The following OR10J1 variants were observed in gnomAD, a reference collection of about 807,000 sequenced individuals.
OR10J1 encodes the protein olfactory receptor 10J1.
For missense variants in OR10J1, 474 were observed against 376.6 expected (o/e 1.26, Z -2.14); for synonymous variants, 202 against 143.8 (o/e 1.40, Z -2.89).
chr1:159,398,150 G>A, the OR10J1 span, among the ~76,000 whole-genome samples: 8 of 152,312 alleles, frequency 5.3e-5, no homozygotes, highest in South Asian at 1.5e-3. Flanking sequence ...GACCATCAAG[G>A]CAATACCATA....
chr1:159,417,764 A>T, the OR10J1 span, among the ~76,000 whole-genome samples: 36 of 152,332 alleles, frequency 2.4e-4, no homozygotes, highest in African/African-American at 8.4e-4. Context: ...AGGTTGGAAC[A>T]GTTTGGAGGG....
the OR10J1 span, among the ~76,000 whole-genome samples, chr1:159,428,038 G>A: frequency 6.6e-6 from 1 of 151,852 alleles, no homozygotes; most frequent in Non-Finnish European, 1.5e-5. Flanking sequence ...GAATAGAAGG[G>A]AACTTCCTTA....
Position 159,440,322 on chromosome 1 carries a change from C to G in OR10J1, c.531C>G (p.Phe177Leu). The stretch of plus-strand genomic sequence containing the variant: ...GTGCTAGAAAGGTGCCCCACTTCTT[C>G]TGTGACATCCGCCCTGTGATGAAGC... ...PFCARKVPHF[F>L]CDIRPVMKLS... Residue 177 changes from phenylalanine to leucine, a missense_variant, in exon 1 of 1, where the codon TTC becomes TTG. By Grantham distance (22) the Phe-to-Leu change is conservative. Coordinates refer to ENST00000423932, the MANE Select transcript of OR10J1 (RefSeq NM_012351.3). 7 of 1,614,196 alleles carry G rather than the reference C, an allele frequency of 4.3e-6. No homozygotes were observed. The highest frequency in any genetic ancestry group is 5.9e-6 in the Non-Finnish European group (7 of 1,180,022).
At chr1:159,435,554 G>T (rs1655714231), upstream of OR10J1, among the ~76,000 whole-genome samples, 1 of 152,094 alleles carries the variant, frequency 6.6e-6, no homozygotes, top group Non-Finnish European at 1.5e-5. Flanking sequence ...TGTAAAAAGG[G>T]GTTTTCATAC....
the OR10J1 span, among the ~76,000 whole-genome samples, chr1:159,409,782 C>G: frequency 1.6e-3 from 251 of 152,140 alleles, 1 homozygote; most frequent in Admixed American, 0.011. Context: ...TGCCAGTTTT[C>G]AAAGGGAACG....
chr1:159,408,162 G>C, the OR10J1 span, among the ~76,000 whole-genome samples: 2 of 152,034 alleles, frequency 1.3e-5, no homozygotes, highest in Non-Finnish European at 2.9e-5. Flanking sequence ...CTGTAGCTCA[G>C]TGGTTACATA....
At chr1:159,423,645 A>C in the OR10J1 span, among the ~76,000 whole-genome samples, 2 of 152,194 alleles carry the variant, frequency 1.3e-5, no homozygotes, top group African/African-American at 4.8e-5. Flanking sequence ...GAGATTAAGA[A>C]AATTCTACAA....
the OR10J1 span, among the ~76,000 whole-genome samples, chr1:159,425,630 T>G: frequency 6.6e-6 from 1 of 152,050 alleles, no homozygotes; most frequent in African/African-American, 2.4e-5. Context: ...GAACTTATAG[T>G]AAGCTGCATG....
chr1:159,438,871 G>A (rs987935196), upstream of OR10J1, among the ~76,000 whole-genome samples: 2 of 152,154 alleles, frequency 1.3e-5, no homozygotes, highest in Non-Finnish European at 2.9e-5. Flanking sequence ...TATCTTTGGT[G>A]TAGCTGTTTT....
chr1:159,434,538 A>G (rs1296991572), upstream of OR10J1, among the ~76,000 whole-genome samples: 1 of 152,206 alleles, frequency 6.6e-6, no homozygotes, highest in African/African-American at 2.4e-5. Context: ...AAGAACAGTT[A>G]TTGTTTACCC....
the OR10J1 span, among the ~76,000 whole-genome samples, chr1:159,429,567 T>G: frequency 6.6e-6 from 1 of 152,210 alleles, no homozygotes; most frequent in African/African-American, 2.4e-5. Flanking sequence ...ATTGTCGAAG[T>G]ACTAGTTGTA....
the OR10J1 span, among the ~76,000 whole-genome samples, chr1:159,427,349 G>T: frequency 2.0e-5 from 3 of 151,514 alleles, no homozygotes; most frequent in African/African-American, 2.4e-5. Flanking sequence ...TAAAAAAATA[G>T]ATATTTTATT....
the OR10J1 span, among the ~76,000 whole-genome samples, chr1:159,401,549 A>G: frequency 6.6e-6 from 1 of 152,052 alleles, no homozygotes; most frequent in Non-Finnish European, 1.5e-5. Context: ...AGATTGAACC[A>G]AGAAGAAATA....
At chr1:159,439,187 T>A (rs917839997), upstream of OR10J1, among the ~76,000 whole-genome samples, 10 of 152,258 alleles carry the variant, frequency 6.6e-5, no homozygotes, top group Non-Finnish European at 1.5e-4. Flanking sequence ...TTGCTTCTAA[T>A]TCTTAAAGGA....
At chr1:159,398,683 GAAGAAAAGCT>G in the OR10J1 span, among the ~76,000 whole-genome samples, 1 of 152,052 alleles carries the variant, frequency 6.6e-6, no homozygotes, top group Non-Finnish European at 1.5e-5. Context: ...TAGTGAGCTT[GAAGAAAAGCT>G]ATTTGAAAAT....
chr1:159,418,887 C>T, the OR10J1 span, among the ~76,000 whole-genome samples: 1 of 152,194 alleles, frequency 6.6e-6, no homozygotes, highest in African/African-American at 2.4e-5. Context: ...TCAGTGTGAC[C>T]TGGATGTGAG....
chr1:159,424,258 T>C, the OR10J1 span, among the ~76,000 whole-genome samples: 3 of 147,642 alleles, frequency 2.0e-5, no homozygotes, highest in East Asian at 5.9e-4. Context: ...ACAGAAAAAA[T>C]TTAAAAGTTG....
chr1:159,402,238 A>G, the OR10J1 span, among the ~76,000 whole-genome samples: 11 of 152,154 alleles, frequency 7.2e-5, no homozygotes, highest in Non-Finnish European at 1.0e-4. Flanking sequence ...TATTCAGTAT[A>G]GTACTAGAAG....
Position 159,440,596 on chromosome 1 carries a change from C to T in OR10J1, c.805C>T (p.His269Tyr). ...LKPKSENTRE[H>Y]DQLISVTYTV... ...GCCCAAGTCAGAGAACACCAGAGAA[C>T]ATGACCAGCTGATCTCGGTGACCTA... is the stretch of plus-strand genomic sequence containing the variant. The change falls in exon 1 of 1, where the codon CAT (histidine) becomes TAT (tyrosine). Residue 269 changes from histidine to tyrosine, a missense_variant. Physicochemically the swap from His to Tyr is moderately conservative, Grantham distance 83. Transcript: ENST00000423932. The T allele has an allele frequency of 3.7e-6, 6 of 1,613,802 alleles. No individual in the cohort carries two copies. The highest frequency in any genetic ancestry group is 1.1e-5 in the South Asian group (1 of 91,054).
Sources: allele counts gnomAD v4.1 joint callset (sites outside exome capture counted in the v4.1 genomes callset), GRCh38; gene constraint gnomAD v4.1.1; transcripts MANE v1.5; gene names NCBI Gene and HGNC (gene_info 2026-07-23, HGNC 2026-07-21).